HS3ST3B1: variants seen among roughly 807,000 people sequenced by gnomAD.
The protein encoded by HS3ST3B1 is heparan sulfate glucosamine 3-O-sulfotransferase 3B1.
A neutral mutation model predicts 21.3 loss-of-function variants in HS3ST3B1; 13 were observed. That is an observed-to-expected ratio of 0.61 (90% confidence interval 0.40 to 0.97). The LOEUF (loss-of-function observed/expected upper bound fraction) is 0.97. Among genes scored for constraint, HS3ST3B1 ranks in the 50% least tolerant of loss-of-function variants. The probability of loss-of-function intolerance (pLI) is 0.00; values close to 1 mark genes in which losing one functional copy is unlikely to be tolerated. For synonymous variants in HS3ST3B1, 234 were observed against 254.8 expected (o/e 0.92, Z 0.78); for missense variants, 459 against 554.8 (o/e 0.83, Z 1.73).
Position 14,338,907 on chromosome 17 carries a change from G to A in HS3ST3B1, c.555-6121G>A, listed in dbSNP as rs191234136. Among the ~76,000 whole-genome samples the A allele has an allele frequency of 2.0e-5, 3 of 152,268 alleles. 1 individual carries two copies. The highest frequency in any genetic ancestry group is 6.8e-3 in the Middle Eastern group (2 of 294). ...TCCCCAAATCTTAATGGGGTGACAA[G>A]CCTGCCTTGCCCTTAGGTTTAATTA... On this transcript the variant is annotated intron_variant, in intron 1 of 1. Coordinates refer to ENST00000360954, the MANE Select transcript of HS3ST3B1 (RefSeq NM_006041.3).
intron 1 of HS3ST3B1, among the ~76,000 whole-genome samples, chr17:14,335,367 TA>T (rs1383812620): frequency 2.0e-5 from 3 of 152,034 alleles, no homozygotes; most frequent in Non-Finnish European, 1.5e-5. Context: ...AACTTGTCTT[TA>T]AAGAAAAAAA....
At chr17:14,312,468 CT>C (rs1234313127) in intron 1 of HS3ST3B1, among the ~76,000 whole-genome samples, 1 of 152,150 alleles carries the variant, frequency 6.6e-6, no homozygotes, top group Admixed American at 6.5e-5. Flanking sequence ...TTCCAAGATT[CT>C]ATTTTTTCAT....
At chr17:14,310,616 A>G (rs1487852808) in intron 1 of HS3ST3B1, among the ~76,000 whole-genome samples, 1 of 152,234 alleles carries the variant, frequency 6.6e-6, no homozygotes, top group Non-Finnish European at 1.5e-5. Context: ...GGGGAGAGAC[A>G]CACAAAGTAC....
At chr17:14,312,055 G>C (rs1004247464) in intron 1 of HS3ST3B1, among the ~76,000 whole-genome samples, 2 of 152,006 alleles carry the variant, frequency 1.3e-5, no homozygotes, top group Admixed American at 6.6e-5. Context: ...TTTCCAAAGA[G>C]AGCTAAGGAA....
At chr17:14,315,324 G>C (rs139674437) in intron 1 of HS3ST3B1, among the ~76,000 whole-genome samples, 2 of 152,300 alleles carry the variant, frequency 1.3e-5, no homozygotes, top group South Asian at 4.1e-4. Flanking sequence ...AGAGCATGCC[G>C]TGTGCCTCCT....
At chr17:14,318,212 C>G (rs1909557907) in intron 1 of HS3ST3B1, among the ~76,000 whole-genome samples, 1 of 152,212 alleles carries the variant, frequency 6.6e-6, no homozygotes, top group South Asian at 2.1e-4. Flanking sequence ...GCTTCTCCAG[C>G]CCGATGGTGT....
Position 14,348,814 on chromosome 17 carries a change from G to A in HS3ST3B1, c.*3168G>A, listed in dbSNP as rs763150028. On this transcript the variant is annotated 3_prime_UTR_variant, in exon 2 of 2. Transcript: ENST00000360954. ...TCTATCTAGTTCATGCTTTCTTTGC[G>A]GTGTTTGAACAGTAGTCTGTTAACT... 7 of 152,092 alleles carry A rather than the reference G, an allele frequency of 4.6e-5. No individual in the cohort carries two copies. In the East Asian group the frequency reaches 9.6e-4, roughly 21 times the overall value. The allele number at this position is 152,092 out of a possible 1,614,324, so 9.4% of individuals were successfully genotyped here. A position where few individuals can be genotyped will look rare whatever the true frequency, so the allele number is the denominator to read the frequency against.
At chr17:14,310,140 G>C (rs1909262304) in intron 1 of HS3ST3B1, among the ~76,000 whole-genome samples, 1 of 152,218 alleles carries the variant, frequency 6.6e-6, no homozygotes, top group South Asian at 2.1e-4. Context: ...CGAAGAGAAA[G>C]TGGGAAGGAC....
intron 1 of HS3ST3B1, among the ~76,000 whole-genome samples, chr17:14,324,541 C>A: frequency 6.6e-6 from 1 of 152,134 alleles, no homozygotes; most frequent in East Asian, 1.9e-4. Flanking sequence ...TTAGCTGCCC[C>A]TTCTTTTACA....
intron 1 of HS3ST3B1, among the ~76,000 whole-genome samples, chr17:14,314,708 C>T (rs994101404): frequency 6.6e-6 from 1 of 152,206 alleles, no homozygotes; most frequent in Non-Finnish European, 1.5e-5. Flanking sequence ...ACCTGGTGAG[C>T]CCCTGGGCTT....
At chr17:14,320,174 G>C (rs777083579) in intron 1 of HS3ST3B1, among the ~76,000 whole-genome samples, 3 of 152,116 alleles carry the variant, frequency 2.0e-5, no homozygotes, top group Non-Finnish European at 4.4e-5. Flanking sequence ...GGAGGGGTGA[G>C]ATGGCTAAAC....
chr17:14,303,437 G>A lies in HS3ST3B1; in HGVS notation c.554+1365G>A, dbSNP rs993627441. On this transcript the variant is annotated intron_variant, in intron 1 of 1. Coordinates refer to ENST00000360954, the MANE Select transcript of HS3ST3B1 (RefSeq NM_006041.3). The surrounding 1 kb of genome is among the most constrained non-coding windows in gnomAD (Gnocchi z 5.7). The stretch of plus-strand genomic sequence containing the variant: ...TTGTCCTTAATGGTTTTTTATTATT[G>A]TCAGGAGTTGCCCAAGTCTCGAGGT... 3.9e-5 allele frequency among the ~76,000 whole-genome samples: 6 copies of A among 152,030 alleles called. No individual in the cohort carries two copies. Among genetic ancestry groups the A allele is most frequent in the Non-Finnish European group, 8.8e-5 (6 of 68,020 alleles).
intron 1 of HS3ST3B1, among the ~76,000 whole-genome samples, chr17:14,322,898 C>CTTTTTTTTTTTTTTTTTTTTT (rs34065582): frequency 2.1e-5 from 2 of 94,588 alleles, no homozygotes; most frequent in Non-Finnish European, 2.2e-5. Context: ...GTGTCTATGT[C>CTTTTTTTTTTTTTTTTTTTTT]TTTTTTTTTT....
intron 1 of HS3ST3B1, among the ~76,000 whole-genome samples, chr17:14,338,325 C>T (rs1015354992): frequency 6.6e-6 from 1 of 151,576 alleles, no homozygotes; most frequent in East Asian, 1.9e-4. Flanking sequence ...GGGGTTTCAT[C>T]ATGTTAGCCA....
intron 1 of HS3ST3B1, chr17:14,328,954 C>A (rs1014968832): frequency 6.6e-6 from 1 of 151,732 alleles, no homozygotes; most frequent in East Asian, 2.0e-4. Flanking sequence ...TACTTCCCTT[C>A]ATTTTAGTTG....
chr17:14,323,196 G>A (rs961420547), intron 1 of HS3ST3B1, among the ~76,000 whole-genome samples: 4 of 152,044 alleles, frequency 2.6e-5, no homozygotes, highest in Non-Finnish European at 4.4e-5. Flanking sequence ...GTGAGCCACC[G>A]CACCTGGCCG....
Position 14,330,547 on chromosome 17 carries a change from C to T in HS3ST3B1, c.555-14481C>T, listed in dbSNP as rs989429415. 8.9e-5 allele frequency among the ~76,000 whole-genome samples: 9 copies of T among 100,898 alleles called. No homozygotes were observed. In the South Asian group the frequency reaches 9.5e-4, roughly 11 times the overall value. 66.2% of individuals were successfully genotyped at this position (100,898 alleles called of 152,430 possible). ...CCTTGTCCTGTTTCTCTCCTGGTTT[C>T]CCGGTGTGTGTGTGTGTGTGTGTGT... On this transcript the variant is annotated intron_variant, in intron 1 of 1. Transcript: ENST00000360954.
At chr17:14,324,259 G>A (rs1169408644) in intron 1 of HS3ST3B1, among the ~76,000 whole-genome samples, 1 of 152,102 alleles carries the variant, frequency 6.6e-6, no homozygotes, top group African/African-American at 2.4e-5. Flanking sequence ...AACTTCCTGG[G>A]TTACTGCTAC....
chr17:14,326,452 T>A (rs1909819758), intron 1 of HS3ST3B1, among the ~76,000 whole-genome samples: 1 of 152,144 alleles, frequency 6.6e-6, no homozygotes, highest in African/African-American at 2.4e-5. Context: ...CAGCCTGTTT[T>A]CCAATCCATT....
Sources: gnomAD v4.1 joint callset for allele counts (sites outside exome capture counted in the v4.1 genomes callset) on GRCh38, gnomAD v4.1.1 for gene constraint, Gnocchi (gnomAD v3.1) non-coding constraint, MANE v1.5 for transcripts, NCBI Gene and HGNC (gene_info 2026-07-23, HGNC 2026-07-21) for gene names.